Variants in ROR1 observed in about 807,000 individuals in gnomAD.
ROR1 encodes inactive tyrosine-protein kinase transmembrane receptor ROR1.
Under a neutral mutation model 78.8 loss-of-function variants are expected in ROR1, and 19 were observed. That is an observed-to-expected ratio of 0.24 (90% CI 0.17 to 0.35). The LOEUF is 0.35. Ranked by LOEUF, ROR1 falls within the 10% of genes least tolerant of loss-of-function variation. The pLI is 1.00. For missense variants in ROR1, 917 were observed against 1,177.8 expected (o/e 0.78, Z 3.24); for synonymous variants, 386 against 433.6 (o/e 0.89, Z 1.36).
At chr1:64,073,433 G>A (rs139563152) in intron 4 of ROR1, among the ~76,000 whole-genome samples, 1 of 152,190 alleles carries the variant, frequency 6.6e-6, no homozygotes, top group Non-Finnish European at 1.5e-5. Context: ...TTCGCAGCCA[G>A]TATGTGAAAG....
chr1:63,774,394 G>C lies in ROR1; in HGVS notation c.-24G>C. 2 of 1,255,236 alleles carry C rather than the reference G, an allele frequency of 1.6e-6. No homozygotes were observed. The highest frequency in any genetic ancestry group is 2.0e-6 in the Non-Finnish European group (2 of 993,340). 77.8% of individuals were successfully genotyped at this position (1,255,236 alleles called of 1,614,324 possible). On this transcript the variant is annotated 5_prime_UTR_variant, in exon 1 of 9. Coordinates refer to ENST00000371079, the MANE Select transcript of ROR1 (RefSeq NM_005012.4). This position sits in a 1 kb window ranked among gnomAD's most constrained non-coding sequence, Gnocchi z 5.7. ...TGCGCGCGGCCTGGGAGCCGCCGCCGCCGCCGCCTCAGCGAGAGGAGGAAT... is the reference window on the plus strand; with the variant it reads ...TGCGCGCGGCCTGGGAGCCGCCGCCCCCGCCGCCTCAGCGAGAGGAGGAAT...
intron 7 of ROR1, among the ~76,000 whole-genome samples, chr1:64,147,157 T>C (rs1383142170): frequency 1.3e-5 from 2 of 152,242 alleles, no homozygotes; most frequent in African/African-American, 4.8e-5. Flanking sequence ...GATGAAGAAC[T>C]CTATCATAGT....
chr1:63,824,738 C>T (rs1479293933), intron 1 of ROR1, among the ~76,000 whole-genome samples: 1 of 152,052 alleles, frequency 6.6e-6, no homozygotes, highest in East Asian at 1.9e-4. Context: ...TCTAAAAATA[C>T]TTTTATTATA....
At chr1:64,037,641 G>A (rs968581313) in intron 2 of ROR1, among the ~76,000 whole-genome samples, 3 of 152,174 alleles carry the variant, frequency 2.0e-5, no homozygotes, top group Non-Finnish European at 4.4e-5. Context: ...TCACCATGAT[G>A]AGGGTGTGCA....
intron 1 of ROR1, among the ~76,000 whole-genome samples, chr1:63,902,463 A>T (rs12093219): frequency 0.048 from 7,298 of 152,008 alleles, 603 homozygotes; most frequent in African/African-American, 0.17. Context: ...GACCACAGGC[A>T]CATGCCACCA....
intron 1 of ROR1, among the ~76,000 whole-genome samples, chr1:63,839,117 T>C (rs1000794838): frequency 6.6e-6 from 1 of 152,224 alleles, no homozygotes; most frequent in Non-Finnish European, 1.5e-5. Flanking sequence ...AAGTGACGCA[T>C]GGCTGTAATT....
intron 4 of ROR1, among the ~76,000 whole-genome samples, chr1:64,098,932 A>G (rs760406420): frequency 4.6e-5 from 7 of 152,196 alleles, no homozygotes. Flanking sequence ...AATGTTATCA[A>G]TAATATAATG....
chr1:63,920,136 CATT>C (rs1645642877), intron 1 of ROR1, among the ~76,000 whole-genome samples: 1 of 152,180 alleles, frequency 6.6e-6, no homozygotes, highest in Non-Finnish European at 1.5e-5. Context: ...GTGTGAGAAA[CATT>C]GTTGGGCAGG....
intron 4 of ROR1, among the ~76,000 whole-genome samples, chr1:64,067,710 C>CATTTTTTTTTTTTTT (rs1646968749): frequency 9.5e-6 from 1 of 105,698 alleles, no homozygotes; most frequent in Non-Finnish European, 1.8e-5. Flanking sequence ...TAAATAAATT[C>CATTTTTTTTTTTTTT]TTTTTTTTTT....
intron 1 of ROR1, among the ~76,000 whole-genome samples, chr1:63,867,353 G>T (rs559497270): frequency 1.3e-5 from 2 of 152,198 alleles, no homozygotes; most frequent in South Asian, 4.2e-4. Flanking sequence ...CTTTTCCTTA[G>T]CTTGTGTCTA....
chr1:64,169,131 TCC>T (rs1422367153), intron 8 of ROR1, among the ~76,000 whole-genome samples: 1 of 152,196 alleles, frequency 6.6e-6, no homozygotes, highest in African/African-American at 2.4e-5. Context: ...AAACTGTGCT[TCC>T]AAAGAGAAAA....
chr1:63,968,352 T>C (rs1251111158), intron 1 of ROR1, among the ~76,000 whole-genome samples: 44 of 152,284 alleles, frequency 2.9e-4, no homozygotes, highest in Non-Finnish European at 5.9e-5. Flanking sequence ...TTGTTCCACC[T>C]CAGCTATTTA....
intron 4 of ROR1, among the ~76,000 whole-genome samples, chr1:64,114,586 C>A (rs537827337): frequency 4.6e-5 from 7 of 152,236 alleles, no homozygotes; most frequent in African/African-American, 1.7e-4. Context: ...TGCTCCACAA[C>A]AGGGCCCAGG....
chr1:64,050,638 C>T (rs1348388067), intron 3 of ROR1, 48 bp from the exon 4 acceptor site: 3 of 1,575,694 alleles, frequency 1.9e-6, no homozygotes. Flanking sequence ...ACTCACCCTC[C>T]AATAACCTAG....
At chr1:64,063,903 C>G (rs1277983467) in intron 4 of ROR1, among the ~76,000 whole-genome samples, 1 of 152,168 alleles carries the variant, frequency 6.6e-6, no homozygotes. Context: ...AGGACCCTCT[C>G]CCATCCCCCT....
At chr1:64,001,480 T>C (rs1267445658) in intron 1 of ROR1, among the ~76,000 whole-genome samples, 1 of 152,190 alleles carries the variant, frequency 6.6e-6, no homozygotes, top group African/African-American at 2.4e-5. Flanking sequence ...TATATACATA[T>C]TTTAACAATG....
intron 2 of ROR1, among the ~76,000 whole-genome samples, chr1:64,044,514 C>T (rs867438854): frequency 2.0e-5 from 3 of 152,140 alleles, no homozygotes; most frequent in African/African-American, 4.8e-5. Flanking sequence ...TTAAGAATAT[C>T]TTCCATGGAG....
At chr1:64,018,856 G>A (rs568397715) in intron 2 of ROR1, among the ~76,000 whole-genome samples, 1 of 152,260 alleles carries the variant, frequency 6.6e-6, no homozygotes, top group East Asian at 1.9e-4. Context: ...TCAAGCTTTG[G>A]TGGGTGTTAG....
intron 4 of ROR1, among the ~76,000 whole-genome samples, chr1:64,086,279 A>G (rs930504566): frequency 3.3e-5 from 5 of 152,242 alleles, no homozygotes; most frequent in African/African-American, 1.2e-4. Context: ...AAAGTTATCT[A>G]TGGCGACAGA....
Sources: allele counts gnomAD v4.1 joint callset (sites outside exome capture counted in the v4.1 genomes callset), GRCh38; gene constraint gnomAD v4.1.1; non-coding constraint Gnocchi (gnomAD v3.1); transcripts MANE v1.5; gene names NCBI Gene and HGNC (gene_info 2026-07-23, HGNC 2026-07-21).